Variants in NFXL1 observed in about 807,000 individuals in gnomAD.
NFXL1 encodes the protein nuclear transcription factor, X-box binding like 1, also known as NF-X1-type zinc finger protein NFXL1.
Under a neutral mutation model 123.3 loss-of-function variants are expected in NFXL1, and 66 were observed. That is an observed-to-expected ratio of 0.54 (90% CI 0.44 to 0.66). The LOEUF is 0.66. NFXL1 is among the 30% of genes least tolerant of loss of function. NFXL1 has a pLI of 0.00. For missense variants in NFXL1, 944 were observed against 1,125.6 expected (o/e 0.84, Z 2.31); for synonymous variants, 346 against 360.8 (o/e 0.96, Z 0.46).
intron 18 of NFXL1, among the ~76,000 whole-genome samples, chr4:47,864,963 T>A (rs532793290): frequency 6.6e-6 from 1 of 152,304 alleles, no homozygotes; most frequent in East Asian, 1.9e-4. Context: ...AGGCCTGAAC[T>A]TCAGACCAGT....
chr4:47,861,496 A>T (rs1459332084), intron 19 of NFXL1, among the ~76,000 whole-genome samples: 2 of 152,198 alleles, frequency 1.3e-5, no homozygotes, highest in African/African-American at 4.8e-5. Context: ...GGCAATTCTA[A>T]GTTATAAATT....
chr4:47,878,464 CTG>C (rs1735885210), intron 17 of NFXL1, 59 bp downstream of exon 17: 1 of 1,259,474 alleles, frequency 7.9e-7, no homozygotes, highest in Non-Finnish European at 1.1e-6. Flanking sequence ...TATGGTATAA[CTG>C]TTGAAAAAAC....
chr4:47,882,156 T>C (rs1736150857), intron 15 of NFXL1: 1 of 152,190 alleles, frequency 6.6e-6, no homozygotes, highest in African/African-American at 2.4e-5. Flanking sequence ...CTCTATACTT[T>C]CTGTGCAATT....
chr4:47,870,096 G>C (rs1022131930), intron 18 of NFXL1, among the ~76,000 whole-genome samples: 17 of 151,950 alleles, frequency 1.1e-4, no homozygotes, highest in Non-Finnish European at 2.2e-4. Flanking sequence ...GTTTCATAGA[G>C]GAATTCCATA....
chr4:47,860,674 C>G (rs913374702), intron 19 of NFXL1, among the ~76,000 whole-genome samples: 4 of 152,176 alleles, frequency 2.6e-5, no homozygotes, highest in Non-Finnish European at 5.9e-5. Flanking sequence ...TTACCAGAAT[C>G]CCATACCTTA....
chr4:47,882,354 G>A (rs984676964), intron 15 of NFXL1: 3 of 152,202 alleles, frequency 2.0e-5, no homozygotes, highest in African/African-American at 7.2e-5. Context: ...AGGTGATGAT[G>A]ATGACACACA....
chr4:47,856,241 A>G (rs929370197), intron 19 of NFXL1, among the ~76,000 whole-genome samples: 1 of 152,148 alleles, frequency 6.6e-6, no homozygotes, highest in Non-Finnish European at 1.5e-5. Flanking sequence ...TTTCACATGT[A>G]AAAGAGTATT....
chr4:47,850,847 T>C (rs892392668), intron 22 of NFXL1, among the ~76,000 whole-genome samples: 5 of 151,982 alleles, frequency 3.3e-5, no homozygotes, highest in East Asian at 1.9e-4. Context: ...GTATGGATGA[T>C]ATTGGCAAGA....
chr4:47,895,068 G>A (rs1430041491), intron 10 of NFXL1, among the ~76,000 whole-genome samples: 4 of 152,108 alleles, frequency 2.6e-5, no homozygotes, highest in African/African-American at 4.8e-5. Flanking sequence ...GGGTGACCAC[G>A]TGCATTGTCA....
At chr4:47,882,479 G>C (rs1308693191) in intron 15 of NFXL1, 1 of 152,170 alleles carries the variant, frequency 6.6e-6, no homozygotes, top group Non-Finnish European at 1.5e-5. Flanking sequence ...TAACAAAATG[G>C]AAAGACAATC....
chr4:47,898,836 C>T lies in NFXL1; in HGVS notation c.1010G>A (p.Arg337Lys). ...CHAGSCQPCP[R>K]VSRQKCVCGK... is the part of the protein sequence containing the mutation. ...ACAGACACACTTTTGTCTACTAACT[C>T]TTGGACAAGGCTGACAGCTTCCTAA... Residue 337 changes from arginine (R) to lysine (K), a missense_variant, in exon 8 of 23, where the codon AGA becomes AAA. Arg to Lys is a conservative substitution (Grantham distance 26, BLOSUM62 2). Coordinates refer to ENST00000507489, the MANE Select transcript of NFXL1 (RefSeq NM_001278624.2). 1 of 1,613,932 alleles carries T rather than the reference C, an allele frequency of 6.2e-7. No homozygotes were observed. Among genetic ancestry groups the T allele is most frequent in the African/African-American group, 1.3e-5 (1 of 75,032 alleles).
chr4:47,855,218 G>C, intron 19 of NFXL1, 55 bp from the exon 20 acceptor site: 1 of 995,790 alleles, frequency 1.0e-6, no homozygotes, highest in Non-Finnish European at 1.5e-6. Flanking sequence ...TCATACTCTA[G>C]TTTCCCCCAT....
intron 18 of NFXL1, among the ~76,000 whole-genome samples, chr4:47,867,290 A>C (rs1053587429): frequency 6.6e-6 from 1 of 152,116 alleles, no homozygotes; most frequent in Non-Finnish European, 1.5e-5. Flanking sequence ...ACTAAATTAC[A>C]AGGTGCTCAT....
In NFXL1 at chr4:47,875,303, A is replaced by G. The variant is rs532952023; in HGVS notation, c.2080-10T>C. 1 of 1,605,678 alleles carries G rather than the reference A, an allele frequency of 6.2e-7. No homozygotes were observed. Among genetic ancestry groups the G allele is most frequent in the East Asian group, 2.2e-5 (1 of 44,698 alleles). On this transcript the variant is annotated splice_polypyrimidine_tract_variant and intron_variant, in intron 17 of 22. Coordinates refer to ENST00000507489, the MANE Select transcript of NFXL1 (RefSeq NM_001278624.2). ...GGCATTCTGGGCCAGCCTGAAAAAC[A>G]GCATGGAAATAAATCACCTAAGTAC...
At chr4:47,867,961 C>T (rs1343143096) in intron 18 of NFXL1, among the ~76,000 whole-genome samples, 2 of 152,110 alleles carry the variant, frequency 1.3e-5, no homozygotes, top group Non-Finnish European at 2.9e-5. Flanking sequence ...TTCATTCAAC[C>T]AAGAGAAGAT....
chr4:47,863,013 ATC>A, intron 18 of NFXL1, 98 bp from the exon 19 acceptor site: 1 of 699,556 alleles, frequency 1.4e-6, no homozygotes, highest in Non-Finnish European at 2.5e-6. Flanking sequence ...CCATAAAATT[ATC>A]TTTTTTCCTC....
chr4:47,905,445 T>A (rs1457033804), intron 3 of NFXL1, 99 bp from the exon 4 acceptor site: 1 of 573,106 alleles, frequency 1.7e-6, no homozygotes, highest in East Asian at 2.8e-5. Context: ...TCTAGCAATA[T>A]CAATTGCTCA....
chr4:47,889,456 G>A (rs965546797), intron 12 of NFXL1, among the ~76,000 whole-genome samples: 1 of 152,096 alleles, frequency 6.6e-6, no homozygotes, highest in African/African-American at 2.4e-5. Flanking sequence ...CATAAACACT[G>A]GGTTCACATC....
intron 5 of NFXL1, among the ~76,000 whole-genome samples, chr4:47,901,647 A>G (rs1737360596): frequency 6.6e-6 from 1 of 152,212 alleles, no homozygotes; most frequent in Non-Finnish European, 1.5e-5. Flanking sequence ...ATATTTCTAA[A>G]AGCCAGGTCA....
Sources: gnomAD v4.1 joint callset for allele counts (sites outside exome capture counted in the v4.1 genomes callset) on GRCh38, gnomAD v4.1.1 for gene constraint, MANE v1.5 for transcripts, NCBI Gene and HGNC (gene_info 2026-07-23, HGNC 2026-07-21) for gene names.